Variants in GPR19 observed in about 807,000 individuals in gnomAD.
The protein encoded by GPR19 is probable G protein-coupled receptor 19.
A neutral mutation model predicts 28.5 loss-of-function variants in GPR19; 14 were observed. The ratio of observed to expected loss-of-function variants is 0.49; its 90% CI spans 0.32 to 0.77. The LOEUF is 0.77. Among genes scored for constraint, GPR19 ranks in the 30% least tolerant of loss-of-function variants. The probability of loss-of-function intolerance (pLI) is 0.03; values close to 1 mark genes in which losing one functional copy is unlikely to be tolerated. For missense variants in GPR19, 409 were observed against 504.1 expected (o/e 0.81, Z 1.81); for synonymous variants, 173 against 184.1 (o/e 0.94, Z 0.49).
chr12:12,673,664 C>CA (rs1945886959), intron 3 of GPR19, among the ~76,000 whole-genome samples: 1 of 152,106 alleles, frequency 6.6e-6, no homozygotes, highest in Non-Finnish European at 1.5e-5. Context: ...ATGATGAGTG[C>CA]AAAGACCCTG....
chr12:12,709,828 C>T, the GPR19 span, among the ~76,000 whole-genome samples: 5 of 152,176 alleles, frequency 3.3e-5, no homozygotes, highest in African/African-American at 1.2e-4. Context: ...TGAAGTTTCT[C>T]AGACTTGATT....
At chr12:12,687,849 A>G (rs948316414) in intron 2 of GPR19, among the ~76,000 whole-genome samples, 1 of 152,180 alleles carries the variant, frequency 6.6e-6, no homozygotes, top group Non-Finnish European at 1.5e-5. Flanking sequence ...TCCCAGCAAC[A>G]CAGAAGGCTG....
the GPR19 span, among the ~76,000 whole-genome samples, chr12:12,713,370 C>A: frequency 1.8e-4 from 28 of 152,122 alleles, no homozygotes; most frequent in African/African-American, 6.5e-4. Context: ...AGCCCTGATG[C>A]TCCTGTTACC....
upstream of GPR19, among the ~76,000 whole-genome samples, chr12:12,697,173 A>AAAAAAAAAAAAAAAAAAAAAAC: frequency 6.7e-6 from 1 of 150,094 alleles, no homozygotes; most frequent in Non-Finnish European, 1.5e-5. Flanking sequence ...AAAAAAAAAA[A>AAAAAAAAAAAAAAAAAAAAAAC]AAAAGCAGCC....
At chr12:12,662,555 T>A in intron 3 of GPR19, 85 bp from the exon 4 acceptor site, 1 of 1,020,522 alleles carries the variant, frequency 9.8e-7, no homozygotes, top group Non-Finnish European at 1.4e-6. Flanking sequence ...ACGATCTTAT[T>A]TGACATTTAC....
At chr12:12,714,688 T>A in the GPR19 span, among the ~76,000 whole-genome samples, 1 of 152,156 alleles carries the variant, frequency 6.6e-6, no homozygotes, top group Admixed American at 6.6e-5. Context: ...CTGAAAATTT[T>A]CCCCCTGGCT....
chr12:12,679,733 C>T (rs1382437644), intron 3 of GPR19, among the ~76,000 whole-genome samples: 3 of 151,916 alleles, frequency 2.0e-5, no homozygotes, highest in Admixed American at 1.3e-4. Flanking sequence ...ATTATCTGGC[C>T]CCAAATGCCA....
the GPR19 span, chr12:12,717,095 G>A: frequency 9.9e-7 from 1 of 1,011,338 alleles, no homozygotes; most frequent in Non-Finnish European, 1.2e-6. Flanking sequence ...CCAGGTTCCC[G>A]GCCGTTTGGC....
chr12:12,673,423 G>T (rs1051592467), intron 3 of GPR19, among the ~76,000 whole-genome samples: 6 of 152,194 alleles, frequency 3.9e-5, no homozygotes, highest in Non-Finnish European at 5.9e-5. Context: ...GGGACATAGT[G>T]CCCTGACACT....
Position 12,661,720 on chromosome 12 carries a change from G to A in GPR19, c.729C>T (p.Tyr243=). Reference sequence around the variant, plus strand: ...TCCAAATATATTTTATGACCTTTTGGTAAAATAAAATTATGAGGACAGATG... The same window carrying A: ...TCCAAATATATTTTATGACCTTTTGATAAAATAAAATTATGAGGACAGATG... ...VIPSVLIILF[Y]QKVIKYIWRI... The change falls in exon 4 of 4, where the codon TAC becomes TAT. Residue 243 remains tyrosine, a synonymous_variant. Transcript: ENST00000651487. The surrounding 1 kb of genome is among the most constrained non-coding windows in gnomAD (Gnocchi z 4.2). 1.2e-6 allele frequency: 2 copies of A among 1,614,092 alleles called. No individual in the cohort carries two copies. The highest frequency in any genetic ancestry group is 1.7e-6 in the Non-Finnish European group (2 of 1,179,978).
upstream of GPR19, among the ~76,000 whole-genome samples, chr12:12,697,172 A>AAAAAAAAAAAAAAG: frequency 1.3e-5 from 2 of 149,854 alleles, no homozygotes; most frequent in Non-Finnish European, 3.0e-5. Flanking sequence ...AAAAAAAAAA[A>AAAAAAAAAAAAAAG]AAAAAGCAGC....
At chr12:12,662,894 A>G (rs1181638756) in intron 3 of GPR19, among the ~76,000 whole-genome samples, 1 of 152,234 alleles carries the variant, frequency 6.6e-6, no homozygotes, top group Non-Finnish European at 1.5e-5. Context: ...CTAAGGTTGC[A>G]AAAGAGGAAA....
the GPR19 span, among the ~76,000 whole-genome samples, chr12:12,703,793 C>T: frequency 6.6e-6 from 1 of 152,158 alleles, no homozygotes; most frequent in Non-Finnish European, 1.5e-5. Context: ...TGCATGACTG[C>T]CATGTCTAGG....
At chr12:12,664,810 C>G (rs903421355) in intron 3 of GPR19, among the ~76,000 whole-genome samples, 1 of 151,006 alleles carries the variant, frequency 6.6e-6, no homozygotes, top group Non-Finnish European at 1.5e-5. Context: ...GTCCCAGCTA[C>G]TCGGGAGGCT....
intron 2 of GPR19, among the ~76,000 whole-genome samples, chr12:12,692,001 G>A (rs1302630427): frequency 6.6e-6 from 1 of 152,182 alleles, no homozygotes; most frequent in Non-Finnish European, 1.5e-5. Context: ...TGTGCCTTCT[G>A]TAGTAGATTT....
At chr12:12,673,244 G>A (rs1464308860) in intron 3 of GPR19, among the ~76,000 whole-genome samples, 5 of 152,196 alleles carry the variant, frequency 3.3e-5, no homozygotes, top group Admixed American at 2.6e-4. Flanking sequence ...CAGGGTGTTG[G>A]GAGGTTCTTG....
intron 3 of GPR19, among the ~76,000 whole-genome samples, chr12:12,663,400 G>C (rs1945710937): frequency 6.7e-6 from 1 of 148,596 alleles, no homozygotes; most frequent in Admixed American, 6.8e-5. Flanking sequence ...TTTGAATCCA[G>C]CCTGGGCAAC....
rs766593667 is a variant in GPR19 at position 12,662,004 on chromosome 12, G to A, written c.445C>T (p.Pro149Ser). The A allele has an allele frequency of 3.4e-5, 55 of 1,614,054 alleles. No homozygotes were observed. Among genetic ancestry groups the A allele is most frequent in the Non-Finnish European group, 2.0e-5 (24 of 1,180,002 alleles). The change falls in exon 4 of 4, where the codon CCA becomes TCA. Residue 149 changes from proline (P) to serine (S), a missense_variant. By Grantham distance (74) the Pro-to-Ser change is moderately conservative. Transcript: ENST00000651487. ...AGGAGAACGTAGATCTGGACACCTGGAGTGAGATATTGAAAATATCGCACA... is the reference window on the plus strand; with the variant it reads ...AGGAGAACGTAGATCTGGACACCTGAAGTGAGATATTGAAAATATCGCACA... The part of the protein sequence containing the change: ...KVVRYFQYLT[P>S]GVQIYVLLSI...
At chr12:12,705,016 C>T in the GPR19 span, among the ~76,000 whole-genome samples, 65 of 152,096 alleles carry the variant, frequency 4.3e-4, no homozygotes, top group Middle Eastern at 3.4e-3. Context: ...AATTGATACA[C>T]CAATATAGAA....
Sources: allele counts gnomAD v4.1 joint callset (sites outside exome capture counted in the v4.1 genomes callset), GRCh38; gene constraint gnomAD v4.1.1; non-coding constraint Gnocchi (gnomAD v3.1); transcripts MANE v1.5; gene names NCBI Gene and HGNC (gene_info 2026-07-23, HGNC 2026-07-21).